The following EYS variants were observed in gnomAD, a reference collection of about 807,000 sequenced individuals.
EYS encodes the protein EGF-like photoreceptor maintenance factor.
A neutral mutation model predicts 282.1 loss-of-function variants in EYS; 250 were observed. The observed-to-expected ratio is 0.89, with a 90% CI of 0.80 to 0.98. The LOEUF (loss-of-function observed/expected upper bound fraction) is 0.98. Ranked by LOEUF, EYS falls within the 50% of genes least tolerant of loss-of-function variation. The pLI is 0.00. For missense variants in EYS, 4,016 were observed against 3,709.0 expected, an observed-to-expected ratio of 1.08 and a Z score of -2.15; for synonymous variants, 1,355 against 1,282.9, an observed-to-expected ratio of 1.06 and a Z score of -1.20.
chr6:64,947,183 G>C (rs763562249), intron 14 of EYS, among the ~76,000 whole-genome samples: 37 of 151,716 alleles, frequency 2.4e-4, no homozygotes, highest in Non-Finnish European at 4.7e-4. Flanking sequence ...AACATGATAT[G>C]ACCAATAATT....
At chr6:65,000,459 A>C (rs1458284260) in intron 13 of EYS, among the ~76,000 whole-genome samples, 2 of 152,200 alleles carry the variant, frequency 1.3e-5, no homozygotes, top group Non-Finnish European at 2.9e-5. Context: ...TTTTGGTGGA[A>C]TATACAGAGG....
chr6:63,994,996 C>T (rs1582097715), intron 34 of EYS, among the ~76,000 whole-genome samples: 1 of 151,886 alleles, frequency 6.6e-6, no homozygotes, highest in Non-Finnish European at 1.5e-5. Context: ...ACCAAAAGCA[C>T]AGGCAACAAA....
chr6:64,549,991 G>A (rs925044115), intron 26 of EYS, among the ~76,000 whole-genome samples: 4 of 151,998 alleles, frequency 2.6e-5, no homozygotes, highest in Non-Finnish European at 4.4e-5. Context: ...GCGGTGTTTG[G>A]TTTTTTGTCC....
intron 2 of EYS, among the ~76,000 whole-genome samples, chr6:65,541,143 T>C (rs998984993): frequency 6.6e-6 from 1 of 152,158 alleles, no homozygotes; most frequent in Non-Finnish European, 1.5e-5. Flanking sequence ...CAGCAAAATC[T>C]GGAAATATAG....
chr6:65,582,119 C>A (rs901986387), intron 2 of EYS, among the ~76,000 whole-genome samples: 5 of 151,550 alleles, frequency 3.3e-5, no homozygotes, highest in Non-Finnish European at 7.4e-5. Flanking sequence ...TCGCTTGAAC[C>A]CAGGAGGCGG....
chr6:63,884,817 T>C (rs527413694), intron 35 of EYS, among the ~76,000 whole-genome samples: 10 of 152,252 alleles, frequency 6.6e-5, no homozygotes, highest in African/African-American at 2.4e-4. Flanking sequence ...AGAGGCGGAA[T>C]CTTTCTTCTT....
chr6:64,514,865 G>A (rs1322036581), intron 26 of EYS, among the ~76,000 whole-genome samples: 1 of 151,756 alleles, frequency 6.6e-6, no homozygotes, highest in Non-Finnish European at 1.5e-5. Flanking sequence ...AGGGAACAAA[G>A]ATGAGTAAGA....
chr6:65,499,436 C>G (rs1251459235), intron 2 of EYS, among the ~76,000 whole-genome samples: 1 of 151,858 alleles, frequency 6.6e-6, no homozygotes, highest in Non-Finnish European at 1.5e-5. Context: ...ACTGTGGAAG[C>G]CTTTAATAAG....
rs1768030063 is a variant in EYS, at chr6:64,637,876, T to C, written c.3444-11631A>G. Among the ~76,000 whole-genome samples the C allele has an allele frequency of 2.2e-5, 2 of 91,102 alleles. 1 individual carries two copies. The highest frequency in any genetic ancestry group is 4.7e-5 in the Non-Finnish European group (2 of 42,232). The allele number at this position is 91,102 out of a possible 152,430, so 59.8% of individuals were successfully genotyped here. ...CGTTTACCTTTGTAACAAACCTGCA[T>C]GTGTACCACACATAAAATAAAAGTT... is the stretch of plus-strand genomic sequence containing the variant. On this transcript the variant is annotated intron_variant, in intron 22 of 42. Transcript: ENST00000503581.
At chr6:64,416,002 A>G (rs1187665119) in intron 28 of EYS, among the ~76,000 whole-genome samples, 1 of 152,200 alleles carries the variant, frequency 6.6e-6, no homozygotes, top group Admixed American at 6.5e-5. Context: ...AATGTATAAA[A>G]GGCTACTTTC....
At chr6:64,313,837 A>AAG (rs1769825999) in intron 29 of EYS, among the ~76,000 whole-genome samples, 1 of 152,162 alleles carries the variant, frequency 6.6e-6, no homozygotes, top group Admixed American at 6.5e-5. Flanking sequence ...TGTCACCACC[A>AAG]AGCTTGCCAC....
chr6:63,964,562 C>T (rs1766217715), intron 35 of EYS, among the ~76,000 whole-genome samples: 1 of 152,282 alleles, frequency 6.6e-6, no homozygotes, highest in Middle Eastern at 3.4e-3. Context: ...TGCTTTCTTA[C>T]AGATGGAATC....
chr6:65,385,730 TA>T (rs1332185604), intron 7 of EYS, among the ~76,000 whole-genome samples: 6 of 152,022 alleles, frequency 3.9e-5, no homozygotes, highest in African/African-American at 1.4e-4. Flanking sequence ...TTTACTCTGC[TA>T]TTCCATAGAT....
intron 12 of EYS, among the ~76,000 whole-genome samples, chr6:65,159,588 G>C (rs897649769): frequency 6.6e-6 from 1 of 150,702 alleles, no homozygotes; most frequent in Non-Finnish European, 1.5e-5. Context: ...CAATTACCAA[G>C]CTTTTCCTGA....
intron 7 of EYS, among the ~76,000 whole-genome samples, chr6:65,391,241 A>T (rs571464166): frequency 2.0e-5 from 3 of 152,280 alleles, no homozygotes; most frequent in Non-Finnish European, 2.9e-5. Context: ...ACAATATTGC[A>T]GAATGTAAAG....
At chr6:64,921,035 C>A (rs1768330821) in intron 15 of EYS, among the ~76,000 whole-genome samples, 1 of 152,054 alleles carries the variant, frequency 6.6e-6, no homozygotes. Context: ...GGAAATATTA[C>A]AAGCAATGAG....
intron 30 of EYS, among the ~76,000 whole-genome samples, chr6:64,286,590 G>T (rs1430493816): frequency 6.6e-6 from 1 of 152,020 alleles, no homozygotes; most frequent in East Asian, 1.9e-4. Flanking sequence ...AATAGAAAAA[G>T]GTATTATGTA....
At chr6:64,483,020 A>T (rs1486591218) in intron 26 of EYS, among the ~76,000 whole-genome samples, 1 of 151,628 alleles carries the variant, frequency 6.6e-6, no homozygotes, top group Non-Finnish European at 1.5e-5. Flanking sequence ...TCTGTTGGCC[A>T]CTAGAGCTGA....
At position 64,192,143 on chromosome 6, in the gene EYS, G is replaced by A. The variant is rs867921949; in HGVS notation, c.6424+38449C>T. Among the ~76,000 whole-genome samples the A allele has an allele frequency of 2.9e-4, 42 of 145,318 alleles. 1 individual carries two copies. Among genetic ancestry groups the A allele is most frequent in the South Asian group, 8.9e-4 (4 of 4,502 alleles). On this transcript the variant is annotated intron_variant, in intron 31 of 42. Transcript: ENST00000503581. The stretch of plus-strand genomic sequence containing the variant: ...AAATGTCTTCTTTTGAGAAGTGTCT[G>A]TTCATGTCCTTCGCCCACTTTTTGA...
Sources: allele counts gnomAD v4.1 joint callset (sites outside exome capture counted in the v4.1 genomes callset), GRCh38; gene constraint gnomAD v4.1.1; transcripts MANE v1.5; gene names NCBI Gene and HGNC (gene_info 2026-07-23, HGNC 2026-07-21).